NCAM1: variants seen among roughly 807,000 people sequenced by gnomAD.
The protein encoded by NCAM1 is antigen recognized by monoclonal antibody 5.1H11.
A neutral mutation model predicts 109.8 loss-of-function variants in NCAM1; 14 were observed. The ratio of observed to expected loss-of-function variants is 0.13; its 90% CI spans 0.08 to 0.20. The LOEUF (loss-of-function observed/expected upper bound fraction) is 0.20. NCAM1 is among the 10% of genes least tolerant of loss of function. The probability of loss-of-function intolerance (pLI) is 1.00; values close to 1 mark genes in which losing one functional copy is unlikely to be tolerated. For synonymous variants in NCAM1, 418 were observed against 442.9 expected (o/e 0.94, Z 0.70); for missense variants, 774 against 1,109.9 (o/e 0.70, Z 4.30).
chr11:113,085,855 T>C (rs552905183), intron 1 of NCAM1, among the ~76,000 whole-genome samples: 267 of 152,270 alleles, frequency 1.8e-3, no homozygotes, highest in African/African-American at 6.3e-3. Flanking sequence ...GGGATAGATT[T>C]ATTTCACCCA....
intron 1 of NCAM1, among the ~76,000 whole-genome samples, chr11:113,114,359 A>T (rs1483293039): frequency 6.6e-6 from 1 of 152,186 alleles, no homozygotes; most frequent in Non-Finnish European, 1.5e-5. Flanking sequence ...CTGACTCCAC[A>T]TTGGTAACCA....
chr11:112,970,785 A>G (rs1429368628), intron 1 of NCAM1, among the ~76,000 whole-genome samples: 6 of 152,144 alleles, frequency 3.9e-5, no homozygotes, highest in African/African-American at 1.4e-4. Context: ...ACTATGATAT[A>G]TTTTCTAAAG....
chr11:113,080,740 T>C (rs981309373), intron 1 of NCAM1, among the ~76,000 whole-genome samples: 1 of 152,252 alleles, frequency 6.6e-6, no homozygotes, highest in Non-Finnish European at 1.5e-5. Flanking sequence ...CATGGAGCCA[T>C]ACATAGAGTC....
In NCAM1 at chr11:113,094,637, C is replaced by T. The variant is rs1014342264; in HGVS notation, c.53-107742C>T. On this transcript the variant is annotated intron_variant, in intron 1 of 19. Transcript: ENST00000316851. ...TCACAAGCACTTAGGGCTTGTAATT[C>T]GCTGCTGTGGCCCCACACTCTTGTT... is the stretch of plus-strand genomic sequence containing the variant. 3.9e-5 allele frequency among the ~76,000 whole-genome samples: 6 copies of T among 152,132 alleles called. No individual in the cohort carries two copies. The South Asian group carries it at 8.3e-4, about 21-fold the overall frequency.
chr11:113,231,295 C>CT, intron 9 of NCAM1: 1 of 1,535,740 alleles, frequency 6.5e-7, no homozygotes, highest in South Asian at 1.2e-5. Context: ...GCTGCTGCTG[C>CT]TGCAATATCT....
chr11:113,208,332 T>C (rs1462649462), intron 7 of NCAM1, among the ~76,000 whole-genome samples: 1 of 152,134 alleles, frequency 6.6e-6, no homozygotes, highest in East Asian at 1.9e-4. Flanking sequence ...AAATTCAGAC[T>C]CCCTGCAATG....
intron 1 of NCAM1, among the ~76,000 whole-genome samples, chr11:113,198,145 A>T (rs994896643): frequency 1.7e-4 from 26 of 152,314 alleles, no homozygotes; most frequent in Non-Finnish European, 3.4e-4. Flanking sequence ...CAAAAGACAG[A>T]ACTTTTTTTC....
At position 113,204,422 on chromosome 11, in the gene NCAM1, C is replaced by T. The variant is rs375507475; in HGVS notation, c.264C>T (p.Ile88=). ...CCCTCACCATCTATAACGCCAACAT[C>T]GACGACGCCGGCATTTACAAGTGTG... The part of the protein sequence containing the change: ...SSTLTIYNAN[I]DDAGIYKCVV... The change falls in exon 3 of 20, where the codon ATC becomes ATT. Residue 88 remains isoleucine (I), a synonymous_variant. Transcript: ENST00000316851. 23 of 1,613,978 alleles carry T rather than the reference C, an allele frequency of 1.4e-5. No homozygotes were observed. The East Asian group carries it at 2.9e-4, about 20-fold the overall frequency.
chr11:113,265,062 T>A (rs1166548648), intron 17 of NCAM1: 4 of 985,444 alleles, frequency 4.1e-6, no homozygotes, highest in Non-Finnish European at 4.8e-6. Flanking sequence ...TTGCTCATTT[T>A]TGGACTATTT....
At chr11:113,153,796 G>T (rs1942320543) in intron 1 of NCAM1, among the ~76,000 whole-genome samples, 1 of 152,194 alleles carries the variant, frequency 6.6e-6, no homozygotes, top group African/African-American at 2.4e-5. Context: ...TTTGATCATT[G>T]TTTCTGGATT....
At chr11:113,220,976 A>G (rs183249756) in intron 8 of NCAM1, among the ~76,000 whole-genome samples, 56 of 152,242 alleles carry the variant, frequency 3.7e-4, no homozygotes, top group Non-Finnish European at 6.2e-4. Context: ...ACCAAATACT[A>G]TGAGCAATAT....
rs181973633 is a variant in NCAM1, at chr11:113,153,697, T to C, written c.53-48682T>C. Among the ~76,000 whole-genome samples the C allele has an allele frequency of 1.1e-3, 172 of 152,278 alleles. 1 individual carries two copies. The highest frequency in any genetic ancestry group is 8.9e-3 in the South Asian group (43 of 4,824). ...GTTAGGAAGAAAGGCCTGGGTTAGA[T>C]ATGTAAATCTGGGAGTGTGTTTTGT... is the stretch of plus-strand genomic sequence containing the variant. On this transcript the variant is annotated intron_variant, in intron 1 of 19. Transcript: ENST00000316851.
At chr11:113,006,525 A>C (rs1951896395) in intron 1 of NCAM1, among the ~76,000 whole-genome samples, 1 of 152,216 alleles carries the variant, frequency 6.6e-6, no homozygotes, top group African/African-American at 2.4e-5. Context: ...ACTTTAAACA[A>C]GTAAATAAAT....
chr11:113,227,274 C>T (rs1944879605), intron 9 of NCAM1, among the ~76,000 whole-genome samples: 1 of 152,074 alleles, frequency 6.6e-6, no homozygotes, highest in Non-Finnish European at 1.5e-5. Flanking sequence ...CACAGAAATA[C>T]AAACTACCAT....
chr11:113,054,423 T>C (rs1367095362), intron 1 of NCAM1, among the ~76,000 whole-genome samples: 1 of 152,210 alleles, frequency 6.6e-6, no homozygotes, highest in African/African-American at 2.4e-5. Context: ...CCACCCTCTT[T>C]AGAACCTGGT....
intron 1 of NCAM1, among the ~76,000 whole-genome samples, chr11:113,144,357 G>A (rs782138971): frequency 5.5e-4 from 83 of 152,286 alleles, no homozygotes; most frequent in Non-Finnish European, 1.1e-3. Context: ...TGTGCACTTA[G>A]TTTATATGAA....
At chr11:112,997,489 A>G (rs1002993929) in intron 1 of NCAM1, among the ~76,000 whole-genome samples, 6 of 152,178 alleles carry the variant, frequency 3.9e-5, no homozygotes, top group African/African-American at 1.2e-4. Context: ...CTCTGGGGAC[A>G]GTGTTCATTA....
At chr11:113,121,148 G>T (rs1363182674) in intron 1 of NCAM1, among the ~76,000 whole-genome samples, 3 of 151,876 alleles carry the variant, frequency 2.0e-5, no homozygotes, top group East Asian at 3.9e-4. Flanking sequence ...AGAGGATTAG[G>T]GGGGTGGCCT....
intron 1 of NCAM1, among the ~76,000 whole-genome samples, chr11:113,027,885 G>A (rs1200787752): frequency 1.3e-5 from 2 of 152,104 alleles, no homozygotes; most frequent in African/African-American, 4.8e-5. Context: ...ACGTGTCAGC[G>A]TTTTGATTCA....
Sources: allele counts gnomAD v4.1 joint callset (sites outside exome capture counted in the v4.1 genomes callset), GRCh38; gene constraint gnomAD v4.1.1; transcripts MANE v1.5; gene names NCBI Gene and HGNC (gene_info 2026-07-23, HGNC 2026-07-21).